The following BST1 variants were observed in gnomAD, a reference collection of about 807,000 sequenced individuals.
The protein encoded by BST1 is bone marrow stromal cell antigen 1.
Under a neutral mutation model 40.6 loss-of-function variants are expected in BST1, and 49 were observed. The ratio of observed to expected loss-of-function variants is 1.21; its 90% CI spans 0.96 to 1.53. BST1 has a LOEUF of 1.53. Ranked by LOEUF, BST1 falls within the 40% of genes most tolerant of loss-of-function variation. The probability of loss-of-function intolerance (pLI) is 0.00; values close to 1 mark genes in which losing one functional copy is unlikely to be tolerated. For missense variants in BST1, 423 were observed against 395.9 expected (o/e 1.07, Z -0.58); for synonymous variants, 157 against 159.3 (o/e 0.99, Z 0.11).
At chr4:15,767,233 G>C in the BST1 span, among the ~76,000 whole-genome samples, 2 of 152,158 alleles carry the variant, frequency 1.3e-5, no homozygotes, top group Non-Finnish European at 2.9e-5. Context: ...TGCTGGGGGT[G>C]CCGAGGGAAA....
the BST1 span, among the ~76,000 whole-genome samples, chr4:15,757,843 T>C: frequency 6.6e-6 from 1 of 152,090 alleles, no homozygotes; most frequent in South Asian, 2.1e-4. Flanking sequence ...GGTTTCTCCA[T>C]GTTGATCAGG....
the BST1 span, among the ~76,000 whole-genome samples, chr4:15,769,777 G>C: frequency 6.6e-6 from 1 of 152,088 alleles, no homozygotes; most frequent in East Asian, 1.9e-4. Context: ...CAAAATGTTA[G>C]TGGTAGTTGG....
At chr4:15,755,285 T>C in the BST1 span, among the ~76,000 whole-genome samples, 12,923 of 152,118 alleles carry the variant, frequency 0.085, 819 homozygotes, top group East Asian at 0.22. Flanking sequence ...ATTACAGGTG[T>C]GCACCACCAC....
the BST1 span, among the ~76,000 whole-genome samples, chr4:15,745,432 TG>T: frequency 6.6e-6 from 1 of 152,244 alleles, no homozygotes; most frequent in Non-Finnish European, 1.5e-5. Flanking sequence ...TTCTGCTTTT[TG>T]AACAAAGTGT....
intron 3 of BST1, among the ~76,000 whole-genome samples, chr4:15,707,874 TAC>T (rs749013024): frequency 7.0e-6 from 1 of 142,464 alleles, no homozygotes; most frequent in East Asian, 2.0e-4. Flanking sequence ...TATATATATA[TAC>T]ACATATATAT....
chr4:15,747,940 G>C, the BST1 span, among the ~76,000 whole-genome samples: 1 of 152,300 alleles, frequency 6.6e-6, no homozygotes, highest in African/African-American at 2.4e-5. Context: ...GCCTCCTAAA[G>C]TGTTGGGATT....
At chr4:15,704,422 G>A (rs1355603148) in intron 1 of BST1, among the ~76,000 whole-genome samples, 2 of 148,830 alleles carry the variant, frequency 1.3e-5, no homozygotes, top group Admixed American at 6.7e-5. Context: ...GTGTGTTCTA[G>A]AGGTGAGTTG....
downstream of BST1, among the ~76,000 whole-genome samples, chr4:15,737,034 G>C (rs937367884): frequency 6.6e-6 from 1 of 152,154 alleles, no homozygotes; most frequent in African/African-American, 2.4e-5. Context: ...TTCAGCACTT[G>C]CTCGCTGTGT....
At chr4:15,772,302 C>G in the BST1 span, among the ~76,000 whole-genome samples, 1 of 152,126 alleles carries the variant, frequency 6.6e-6, no homozygotes, top group South Asian at 2.1e-4. Flanking sequence ...GATTTTGAAC[C>G]TTGCACTATA....
chr4:15,703,140 C>T lies in BST1; in HGVS notation c.-5C>T, dbSNP rs1719629385. The stretch of plus-strand genomic sequence containing the variant: ...GCACGGGACTGGAGGGACCAAAGTT[C>T]CCCGATGGCGGCCCAGGGGTGCGCG... On this transcript the variant is annotated 5_prime_UTR_variant, in exon 1 of 9. Coordinates refer to ENST00000265016, the MANE Select transcript of BST1 (RefSeq NM_004334.3). 1 of 1,580,854 alleles carries T rather than the reference C, an allele frequency of 6.3e-7. No individual in the cohort carries two copies. Among genetic ancestry groups the T allele is most frequent in the Non-Finnish European group, 8.6e-7 (1 of 1,166,260 alleles).
At chr4:15,757,873 C>T in the BST1 span, among the ~76,000 whole-genome samples, 1 of 152,102 alleles carries the variant, frequency 6.6e-6, no homozygotes, top group Non-Finnish European at 1.5e-5. Context: ...AACTCCCGAC[C>T]TCAGGTGATC....
chr4:15,762,497 A>T, the BST1 span, among the ~76,000 whole-genome samples: 2 of 152,200 alleles, frequency 1.3e-5, no homozygotes, highest in East Asian at 3.9e-4. Context: ...CAAGCTTACA[A>T]CAATCAAATG....
the BST1 span, among the ~76,000 whole-genome samples, chr4:15,750,474 A>C: frequency 6.6e-6 from 1 of 152,326 alleles, no homozygotes; most frequent in Admixed American, 6.5e-5. Flanking sequence ...CTCTGCTTAG[A>C]ACTAGAGAGA....
the BST1 span, among the ~76,000 whole-genome samples, chr4:15,755,753 T>A: frequency 2.0e-4 from 30 of 152,240 alleles, no homozygotes; most frequent in East Asian, 4.4e-3. Flanking sequence ...CATCTGTGAG[T>A]GTGTGAGTGT....
intron 7 of BST1, among the ~76,000 whole-genome samples, chr4:15,719,711 T>C (rs2148888342): frequency 6.6e-6 from 1 of 152,214 alleles, no homozygotes; most frequent in East Asian, 1.9e-4. Context: ...ACGTCAGTGG[T>C]CTTTTGTTGC....
At chr4:15,718,804 A>G (rs1720649579) in intron 6 of BST1, 103 bp from the exon 7 acceptor site, 2 of 939,054 alleles carry the variant, frequency 2.1e-6, no homozygotes, top group African/African-American at 3.4e-5. Context: ...AGAGTAGAAT[A>G]TCCAGGAGCA....
the BST1 span, among the ~76,000 whole-genome samples, chr4:15,768,197 G>C: frequency 6.6e-6 from 1 of 152,164 alleles, no homozygotes; most frequent in Non-Finnish European, 1.5e-5. Context: ...AAAGAGCAGC[G>C]GTTCCGATTC....
chr4:15,743,537 A>G, the BST1 span: 1 of 357,014 alleles, frequency 2.8e-6, no homozygotes, highest in Non-Finnish European at 5.5e-6. Context: ...ATGTTAAGGA[A>G]GCTGAGGGCA....
At chr4:15,730,878 A>G in intron 8 of BST1, 1 of 195,924 alleles carries the variant, frequency 5.1e-6, no homozygotes, top group Non-Finnish European at 1.0e-5. Flanking sequence ...AACTTCCTAT[A>G]TACTATGTAC....
Sources: gnomAD v4.1 joint callset for allele counts (sites outside exome capture counted in the v4.1 genomes callset) on GRCh38, gnomAD v4.1.1 for gene constraint, MANE v1.5 for transcripts, NCBI Gene and HGNC (gene_info 2026-07-23, HGNC 2026-07-21) for gene names.